Variants in FAM171B observed in about 807,000 individuals in gnomAD.
FAM171B encodes the protein family with sequence similarity 171 member B.
Under a neutral mutation model 75.6 loss-of-function variants are expected in FAM171B, and 19 were observed. That is an observed-to-expected ratio of 0.25 (90% confidence interval 0.18 to 0.37). FAM171B has a LOEUF of 0.37. Ranked by LOEUF, FAM171B falls within the 10% of genes least tolerant of loss-of-function variation. The pLI, the probability that FAM171B is intolerant of heterozygous loss-of-function variation, is 1.00. For missense variants in FAM171B, 848 were observed against 982.4 expected, an observed-to-expected ratio of 0.86 and a Z score of 1.83; for synonymous variants, 367 against 361.7, an observed-to-expected ratio of 1.01 and a Z score of -0.17.
chr2:186,727,179 C>T (rs1490459627), intron 1 of FAM171B, among the ~76,000 whole-genome samples: 2 of 152,020 alleles, frequency 1.3e-5, no homozygotes, highest in African/African-American at 4.8e-5. Flanking sequence ...AAGAACCTGA[C>T]TTTTGCAGAG....
At chr2:186,696,903 G>C (rs992305038) in intron 1 of FAM171B, among the ~76,000 whole-genome samples, 2 of 152,058 alleles carry the variant, frequency 1.3e-5, no homozygotes, top group African/African-American at 4.8e-5. Flanking sequence ...CATAAGCTCT[G>C]TGAAAACATG....
chr2:186,710,366 T>C (rs917089172), intron 1 of FAM171B, among the ~76,000 whole-genome samples: 1 of 152,232 alleles, frequency 6.6e-6, no homozygotes, highest in Non-Finnish European at 1.5e-5. Context: ...GAAGAGGCAA[T>C]GTATAAATCT....
rs565267439 is a variant in FAM171B, at chr2:186,747,023, C to T, written c.566-69C>T. The T allele has an allele frequency of 6.8e-6, 8 of 1,170,326 alleles. No individual in the cohort carries two copies. The East Asian group carries it at 1.8e-4, about 26-fold the overall frequency. The allele number at this position is 1,170,326 out of a possible 1,614,324, so 72.5% of individuals were successfully genotyped here. ...TATAATTGCTTCTTTTAAAGTAAGACATCCTGACCAATGCTGCTATGCTTA... is the reference window on the plus strand; with the variant it reads ...TATAATTGCTTCTTTTAAAGTAAGATATCCTGACCAATGCTGCTATGCTTA... On this transcript the variant is annotated intron_variant, in intron 3 of 7. Transcript: ENST00000304698.
At chr2:186,745,247 G>A (rs1016844819) in intron 3 of FAM171B, among the ~76,000 whole-genome samples, 7 of 152,318 alleles carry the variant, frequency 4.6e-5, no homozygotes, top group Admixed American at 4.6e-4. Flanking sequence ...TGCTATTGGG[G>A]CCTTAATGAA....
At chr2:186,755,935 G>C (rs1351010263) in intron 6 of FAM171B, among the ~76,000 whole-genome samples, 1 of 152,216 alleles carries the variant, frequency 6.6e-6, no homozygotes, top group South Asian at 2.1e-4. Flanking sequence ...CCAGCTGTCT[G>C]GCTTTATCCC....
At chr2:186,703,131 G>A (rs1689687336) in intron 1 of FAM171B, among the ~76,000 whole-genome samples, 1 of 151,776 alleles carries the variant, frequency 6.6e-6, no homozygotes, top group African/African-American at 2.4e-5. Flanking sequence ...CCAGGCTGGA[G>A]TGCAGTGGTG....
chr2:186,735,933 A>T (rs967949707), intron 1 of FAM171B, among the ~76,000 whole-genome samples: 4 of 152,204 alleles, frequency 2.6e-5, no homozygotes, highest in Non-Finnish European at 4.4e-5. Flanking sequence ...AAAAGTAGTG[A>T]TACTAATGAC....
intron 1 of FAM171B, among the ~76,000 whole-genome samples, chr2:186,699,469 G>A (rs1689627008): frequency 6.6e-6 from 1 of 152,044 alleles, no homozygotes; most frequent in Non-Finnish European, 1.5e-5. Flanking sequence ...TTTTAAATAG[G>A]ATTATTGGGT....
At chr2:186,713,574 G>A (rs771013472) in intron 1 of FAM171B, among the ~76,000 whole-genome samples, 4 of 152,100 alleles carry the variant, frequency 2.6e-5, no homozygotes, top group Non-Finnish European at 5.9e-5. Flanking sequence ...GAGAGAAAAA[G>A]TATATACCCA....
chr2:186,736,565 T>G (rs79997086), intron 1 of FAM171B, among the ~76,000 whole-genome samples: 48 of 51,666 alleles, frequency 9.3e-4, no homozygotes, highest in East Asian at 2.4e-3. Context: ...TGTGTGTGTG[T>G]GGGAGAGAGA....
chr2:186,755,704 C>T (rs1043000165), intron 6 of FAM171B, among the ~76,000 whole-genome samples: 3 of 152,036 alleles, frequency 2.0e-5, no homozygotes, highest in Non-Finnish European at 4.4e-5. Flanking sequence ...TTTCAATTTT[C>T]TTTTTTGATT....
At chr2:186,698,384 T>C (rs1042352030) in intron 1 of FAM171B, among the ~76,000 whole-genome samples, 2 of 152,194 alleles carry the variant, frequency 1.3e-5, no homozygotes, top group African/African-American at 4.8e-5. Flanking sequence ...ATGTTAAATA[T>C]ATAGAAAGTA....
At position 186,762,687 on chromosome 2, in the gene FAM171B, G is replaced by A; in HGVS notation, c.2345G>A (p.Arg782Lys). Residue 782 changes from arginine (R) to lysine (K), a missense_variant, in exon 8 of 8, where the codon AGG becomes AAG. Physicochemically the swap from Arg to Lys is conservative, Grantham distance 26. This residue lies in a region of FAM171B where 136 missense variants were observed against 159.3 expected (regional missense o/e 0.85). Transcript: ENST00000304698. The surrounding 1 kb of genome is among the most constrained non-coding windows in gnomAD (Gnocchi z 4.0). ...MEHPGEESPG[R>K]KSTVEDFEAN... Reference sequence around the variant, plus strand: ...CACCCTGGAGAAGAGTCGCCAGGAAGGAAAAGCACTGTTGAAGATTTTGAA... The same window carrying A: ...CACCCTGGAGAAGAGTCGCCAGGAAAGAAAAGCACTGTTGAAGATTTTGAA... The A allele has an allele frequency of 1.2e-6, 2 of 1,613,048 alleles. No homozygotes were observed. The highest frequency in any genetic ancestry group is 1.7e-6 in the Non-Finnish European group (2 of 1,179,588).
intron 1 of FAM171B, among the ~76,000 whole-genome samples, chr2:186,706,094 A>G (rs1003468303): frequency 1.3e-5 from 2 of 152,176 alleles, no homozygotes; most frequent in Non-Finnish European, 2.9e-5. Context: ...TTTTCCAGTC[A>G]TCTAATCCCT....
At chr2:186,761,058 G>A in intron 6 of FAM171B, 55 bp from the exon 7 acceptor site, 12 of 1,557,726 alleles carry the variant, frequency 7.7e-6, no homozygotes, top group Non-Finnish European at 1.0e-5. Context: ...ATGTGACATA[G>A]TTGAGAATTT....
Position 186,751,185 on chromosome 2 carries a change from A to G in FAM171B, c.776A>G (p.Tyr259Cys). The stretch of plus-strand genomic sequence containing the variant: ...CTTGCTGCAATATGTGTGAAAATAT[A>G]TTCTGGAGGAAAAGAACTAAAGGTC... ...TPLAAICVKI[Y>C]SGGKELKVNG... is the part of the protein sequence containing the mutation. Residue 259 changes from tyrosine to cysteine, a missense_variant, in exon 5 of 8, where the codon TAT (tyrosine) becomes TGT (cysteine). Physicochemically the swap from Tyr to Cys is radical, Grantham distance 194. Transcript: ENST00000304698. 3 of 1,611,332 alleles carry G rather than the reference A, an allele frequency of 1.9e-6. No homozygotes were observed. The highest frequency in any genetic ancestry group is 1.7e-6 in the Non-Finnish European group (2 of 1,178,230).
At chr2:186,739,512 TG>T (rs1690256074) in intron 1 of FAM171B, among the ~76,000 whole-genome samples, 1 of 152,178 alleles carries the variant, frequency 6.6e-6, no homozygotes, top group Non-Finnish European at 1.5e-5. Flanking sequence ...AAACTTTTTT[TG>T]TTAAAAACTA....
rs1391766740 is a variant in FAM171B, at chr2:186,757,100, A to G, written c.1012+3051A>G. On this transcript the variant is annotated intron_variant, in intron 6 of 7. Transcript: ENST00000304698. ...ATGGAGGCTTCCTCGTGCAGGCATG[A>G]TCAATTATTAACTTAATCTCCAGCC... 1.7e-4 allele frequency among the ~76,000 whole-genome samples: 26 copies of G among 152,070 alleles called. 1 individual carries two copies. Among genetic ancestry groups the G allele is most frequent in the Admixed American group, 1.7e-3 (26 of 15,252 alleles).
intron 1 of FAM171B, among the ~76,000 whole-genome samples, chr2:186,736,567 G>GTGA (rs55683607): frequency 9.6e-6 from 1 of 104,590 alleles, no homozygotes; most frequent in African/African-American, 3.4e-5. Context: ...TGTGTGTGTG[G>GTGA]GAGAGAGAGA....
Sources: allele counts gnomAD v4.1 joint callset (sites outside exome capture counted in the v4.1 genomes callset), GRCh38; gene constraint gnomAD v4.1.1; regional missense constraint gnomAD v4.1.1; non-coding constraint Gnocchi (gnomAD v3.1); transcripts MANE v1.5; gene names NCBI Gene and HGNC (gene_info 2026-07-23, HGNC 2026-07-21).